ALPK1: variants seen among roughly 807,000 people sequenced by gnomAD.
The protein encoded by ALPK1 is alpha-protein kinase 1.
Under a neutral mutation model 120.6 loss-of-function variants are expected in ALPK1, and 110 were observed. The observed-to-expected ratio is 0.91, with a 90% CI of 0.78 to 1.07. The LOEUF (loss-of-function observed/expected upper bound fraction) is 1.07, where lower values mean the gene tolerates loss of function less well. Ranked by LOEUF, ALPK1 falls within the 50% of genes least tolerant of loss-of-function variation. The pLI is 0.00. For synonymous variants in ALPK1, 582 were observed against 560.3 expected (o/e 1.04, Z -0.55); for missense variants, 1,498 against 1,483.9 (o/e 1.01, Z -0.16).
chr4:112,365,075 C>A (rs1383541957), intron 2 of ALPK1, among the ~76,000 whole-genome samples: 1 of 152,166 alleles, frequency 6.6e-6, no homozygotes, highest in Non-Finnish European at 1.5e-5. Context: ...TAAAAGCTGT[C>A]TATGACAAAC....
chr4:112,373,121 A>G (rs1260193059), intron 2 of ALPK1, among the ~76,000 whole-genome samples: 1 of 152,190 alleles, frequency 6.6e-6, no homozygotes, highest in East Asian at 1.9e-4. Context: ...AATCTTCTAA[A>G]CCACCAAATG....
intron 5 of ALPK1, among the ~76,000 whole-genome samples, chr4:112,420,981 C>T (rs1032510172): frequency 5.3e-5 from 8 of 152,056 alleles, no homozygotes; most frequent in East Asian, 1.9e-4. Context: ...TACAGGTGCA[C>T]GCCACCATGC....
intron 5 of ALPK1, among the ~76,000 whole-genome samples, chr4:112,419,821 T>C (rs1000513297): frequency 2.0e-5 from 3 of 152,226 alleles, no homozygotes; most frequent in Non-Finnish European, 4.4e-5. Context: ...TTGGTTCATA[T>C]CTTTTGGTAA....
chr4:112,391,362 C>A (rs1485349030), intron 4 of ALPK1, among the ~76,000 whole-genome samples: 3 of 152,078 alleles, frequency 2.0e-5, no homozygotes, highest in African/African-American at 7.2e-5. Context: ...AAAGTATGGA[C>A]AACAATTGCC....
chr4:112,412,008 G>C lies in ALPK1; in HGVS notation c.458G>C (p.Arg153Pro). 1 of 1,614,000 alleles carries C rather than the reference G, an allele frequency of 6.2e-7. No individual in the cohort carries two copies. Among genetic ancestry groups the C allele is most frequent in the South Asian group, 1.1e-5 (1 of 91,080 alleles). ...CCGCAGGTGGTTATTCGCCAAGCCC[G>C]AATCTCCGTGAACTCAGGTATGCTC... Reference protein sequence around the residue: ...IAPQVVIRQARISVNSGKLLK... With the variant: ...IAPQVVIRQAPISVNSGKLLK... Residue 153 changes from arginine to proline, a missense_variant, in exon 5 of 16, where the codon CGA becomes CCA. Coordinates refer to ENST00000650871, the MANE Select transcript of ALPK1 (RefSeq NM_025144.4).
rs1235747641 is a variant in ALPK1 at position 112,367,402 on chromosome 4, T to TA, written c.-100-10275dup. 1.1e-4 allele frequency among the ~76,000 whole-genome samples: 17 copies of TA among 152,280 alleles called. 1 individual carries two copies. The East Asian group carries it at 2.5e-3, about 22-fold the overall frequency. On this transcript the variant is annotated intron_variant, in intron 2 of 15. Coordinates refer to ENST00000650871, the MANE Select transcript of ALPK1 (RefSeq NM_025144.4). ...TGTATTTTTTTACTAGTTTCTGTCT[T>TA]ACGCTTAATTATGATAAAAGATTTT...
intron 2 of ALPK1, among the ~76,000 whole-genome samples, chr4:112,329,888 G>A (rs1387067364): frequency 6.6e-6 from 1 of 152,200 alleles, no homozygotes; most frequent in Non-Finnish European, 1.5e-5. Context: ...GAATGAACAG[G>A]CTACTGTGTG....
At chr4:112,356,082 C>T (rs767727186) in intron 2 of ALPK1, 14 of 1,052,188 alleles carry the variant, frequency 1.3e-5, no homozygotes, top group Non-Finnish European at 2.1e-5. Flanking sequence ...TCTCACAGAC[C>T]CGAATAGCCT....
intron 4 of ALPK1, among the ~76,000 whole-genome samples, chr4:112,400,588 C>T (rs1315172115): frequency 1.3e-5 from 2 of 152,120 alleles, no homozygotes; most frequent in Non-Finnish European, 2.9e-5. Flanking sequence ...TTTTCACTTG[C>T]TTAGGTAGAA....
At chr4:112,397,482 C>T (rs77907770) in intron 4 of ALPK1, among the ~76,000 whole-genome samples, 1,572 of 152,268 alleles carry the variant, frequency 0.01, 22 homozygotes, top group African/African-American at 0.035. Context: ...TACTTTTGCA[C>T]CAACCAATAT....
intron 5 of ALPK1, among the ~76,000 whole-genome samples, chr4:112,419,252 C>T (rs945865424): frequency 6.6e-5 from 10 of 152,044 alleles, no homozygotes; most frequent in African/African-American, 1.4e-4. Flanking sequence ...GCCATGATTT[C>T]GATACTAATT....
At chr4:112,337,515 T>C (rs1368780104) in intron 2 of ALPK1, among the ~76,000 whole-genome samples, 1 of 152,080 alleles carries the variant, frequency 6.6e-6, no homozygotes, top group Non-Finnish European at 1.5e-5. Context: ...GCAACAGTAG[T>C]GAGACTCCAT....
At chr4:112,336,711 T>C (rs1238874971) in intron 2 of ALPK1, among the ~76,000 whole-genome samples, 5 of 152,226 alleles carry the variant, frequency 3.3e-5, no homozygotes, top group Admixed American at 3.3e-4. Flanking sequence ...TTTTTGTTCA[T>C]GGTCTTGGTC....
In ALPK1 at chr4:112,432,400, G is replaced by A; in HGVS notation, c.2853G>A (p.Leu951=). The A allele has an allele frequency of 6.2e-7, 1 of 1,614,202 alleles. No individual in the cohort carries two copies. The highest frequency in any genetic ancestry group is 8.5e-7 in the Non-Finnish European group (1 of 1,180,042). ...SSEGDSPWSY[L]NSSGSSWVSL... ...AGGGGGACAGCCCTTGGTCCTATCTGAATTCCAGTGGGAGTTCTTGGGTTT... is the reference window on the plus strand; with the variant it reads ...AGGGGGACAGCCCTTGGTCCTATCTAAATTCCAGTGGGAGTTCTTGGGTTT... The change falls in exon 11 of 16, where the codon CTG becomes CTA. Residue 951 remains leucine (L), a synonymous_variant. Coordinates refer to ENST00000650871, the MANE Select transcript of ALPK1 (RefSeq NM_025144.4).
At chr4:112,406,738 T>A (rs530525136) in intron 4 of ALPK1, among the ~76,000 whole-genome samples, 11 of 152,184 alleles carry the variant, frequency 7.2e-5, no homozygotes, top group African/African-American at 2.6e-4. Flanking sequence ...AGGCTGGCCA[T>A]AAAAAAATTC....
intron 4 of ALPK1, among the ~76,000 whole-genome samples, chr4:112,390,642 T>C (rs530207391): frequency 6.6e-6 from 1 of 152,296 alleles, no homozygotes; most frequent in Non-Finnish European, 1.5e-5. Context: ...ACCGTATTAA[T>C]GTTATTTGAA....
chr4:112,351,760 C>T (rs888830246), intron 2 of ALPK1, among the ~76,000 whole-genome samples: 6 of 152,100 alleles, frequency 3.9e-5, no homozygotes, highest in South Asian at 4.2e-4. Context: ...AGATGTGAGC[C>T]GCTGTGCCCA....
In ALPK1 at chr4:112,435,259, C is replaced by T. The variant is rs1560689820; in HGVS notation, c.3146C>T (p.Ala1049Val). ...TVKKKGRQRN[A>V]FWVHHLHQEE... The stretch of plus-strand genomic sequence containing the variant: ...AAGAAAAAAGGCAGACAAAGAAATG[C>T]TTTTTGGGTTCATCATCTTCATCAA... Residue 1049 changes from alanine (A) to valine (V), a missense_variant, in exon 12 of 16, where the codon GCT becomes GTT. By Grantham distance (64) the Ala-to-Val change is moderately conservative. Transcript: ENST00000650871. 1.9e-6 allele frequency: 3 copies of T among 1,612,628 alleles called. No homozygotes were observed. Among genetic ancestry groups the T allele is most frequent in the Non-Finnish European group, 2.5e-6 (3 of 1,179,622 alleles).
In ALPK1 at chr4:112,414,608, C is replaced by CAAA. The variant is rs397975906; in HGVS notation, c.475+2594_475+2596dup. 47 of 146,992 alleles carry CAAA rather than the reference C, an allele frequency of 3.2e-4. 1 individual carries two copies. The highest frequency in any genetic ancestry group is 7.6e-3 in the Middle Eastern group (2 of 262). 9.1% of individuals were successfully genotyped at this position (146,992 alleles called of 1,614,324 possible). On this transcript the variant is annotated intron_variant, in intron 5 of 15. Transcript: ENST00000650871. ...GGGGCACAAGATCAAGACTTCGTCT[C>CAAA]AAAAAAAAAAAAAGAGAGACGACTC...
Sources: allele counts gnomAD v4.1 joint callset (sites outside exome capture counted in the v4.1 genomes callset), GRCh38; gene constraint gnomAD v4.1.1; transcripts MANE v1.5; gene names NCBI Gene and HGNC (gene_info 2026-07-23, HGNC 2026-07-21).